ANXA11: variants seen among roughly 807,000 people sequenced by gnomAD.
The protein encoded by ANXA11 is 56 kDa autoantigen.
In ANXA11, 57 loss-of-function variants were observed where a neutral mutation model predicts 64.7. The observed-to-expected ratio is 0.88, with a 90% CI of 0.71 to 1.10. ANXA11 has a LOEUF of 1.10. Ranked by LOEUF, ANXA11 falls within the 50% of genes least tolerant of loss-of-function variation. The probability of loss-of-function intolerance (pLI) is 0.00; values close to 1 mark genes in which losing one functional copy is unlikely to be tolerated. For missense variants in ANXA11, 675 were observed against 670.7 expected (o/e 1.01, Z -0.07); for synonymous variants, 260 against 265.2 (o/e 0.98, Z 0.19).
chr10:80,173,861 G>A (rs1846070424), intron 2 of ANXA11, among the ~76,000 whole-genome samples: 1 of 152,168 alleles, frequency 6.6e-6, no homozygotes, highest in Non-Finnish European at 1.5e-5. Context: ...TCACCTGATG[G>A]GATTGTTAAA....
rs1845988721 is a variant in ANXA11 at position 80,171,832 on chromosome 10, A to T, written c.56-917T>A. ...CAAAGGTGGCAGTGGCAGGATCTGG[A>T]TGGCAGGATTTCTACTATAGAGAGA... On this transcript the variant is annotated intron_variant, in intron 3 of 15. Coordinates refer to ENST00000422982, the MANE Select transcript of ANXA11 (RefSeq NM_145868.2). The T allele has an allele frequency of 3.0e-6, 3 of 985,340 alleles. No individual in the cohort carries two copies. The South Asian group carries it at 1.4e-4, about 46-fold the overall frequency. The allele number at this position is 985,340 out of a possible 1,614,324, so 61.0% of individuals were successfully genotyped here. A position where few individuals can be genotyped will look rare whatever the true frequency, so the allele number is the denominator to read the frequency against.
intron 12 of ANXA11, among the ~76,000 whole-genome samples, chr10:80,160,621 G>A (rs2132372545): frequency 6.6e-6 from 1 of 151,934 alleles, no homozygotes; most frequent in Admixed American, 6.5e-5. Context: ...TCCCTCCCTA[G>A]CTGCTCCTTC....
In ANXA11 at chr10:80,171,720, C is replaced by T. The variant is rs1845984940; in HGVS notation, c.56-805G>A. 6.1e-6 allele frequency: 6 copies of T among 985,494 alleles called. No homozygotes were observed. The South Asian group carries it at 2.3e-4, about 39-fold the overall frequency. The allele number at this position is 985,494 out of a possible 1,614,324, so 61.0% of individuals were successfully genotyped here. A position where few individuals can be genotyped will look rare whatever the true frequency, so the allele number is the denominator to read the frequency against. On this transcript the variant is annotated intron_variant, in intron 3 of 15. Coordinates refer to ENST00000422982, the MANE Select transcript of ANXA11 (RefSeq NM_145868.2). Reference sequence around the variant, plus strand: ...CAGCTTCGGATCGGCTCTTCATCTCCAGGGCTCCAGACCCTCCAGGAAGAA... The same window carrying T: ...CAGCTTCGGATCGGCTCTTCATCTCTAGGGCTCCAGACCCTCCAGGAAGAA...
At chr10:80,188,898 C>T (rs867781026) in intron 1 of ANXA11, among the ~76,000 whole-genome samples, 2 of 152,110 alleles carry the variant, frequency 1.3e-5, no homozygotes, top group African/African-American at 4.8e-5. Flanking sequence ...GCCCAGCCCA[C>T]ACAGTGAGGG....
rs372305403 is a variant in ANXA11 at position 80,163,584 on chromosome 10, G to A, written c.979C>T (p.Arg327Ter). ...TGGAAGTGCCCTGATGTGTCGCTTC[G>A]AATGGCCTCTTCCAGGGTCTTTTTG... The part of the protein sequence containing the change: ...EFKKTLEEAI[R>*]SDTSGHFQRL... The change falls in exon 10 of 16, where the codon CGA (arginine) becomes TGA (stop). Residue 327 changes from arginine (R) to a stop codon, truncating the protein, a stop_gained. Coordinates refer to ENST00000422982, the MANE Select transcript of ANXA11 (RefSeq NM_145868.2). LOFTEE classifies it high-confidence loss of function. 4.5e-5 allele frequency: 70 copies of A among 1,563,874 alleles called. No individual in the cohort carries two copies. The highest frequency in any genetic ancestry group is 2.3e-4 in the African/African-American group (17 of 73,604).
chr10:80,163,305 C>T (rs1291441708), intron 11 of ANXA11, 44 bp downstream of exon 11: 1 of 1,606,884 alleles, frequency 6.2e-7, no homozygotes, highest in African/African-American at 1.3e-5. Flanking sequence ...AAGCGGGGTG[C>T]ATCCCTGCTT....
Position 80,157,236 on chromosome 10 carries a change from G to A in ANXA11, c.1458+405C>T, listed in dbSNP as rs533238950. ...GACCCCCAGGGCCCTCGCTCTGAAC[G>A]GCCTTACTATGTGGCCTACGCCATA... On this transcript the variant is annotated intron_variant, in intron 15 of 15. Coordinates refer to ENST00000422982, the MANE Select transcript of ANXA11 (RefSeq NM_145868.2). 106 of 985,456 alleles carry A rather than the reference G, an allele frequency of 1.1e-4. No homozygotes were observed. In the African/African-American group the frequency reaches 1.1e-3, roughly 10 times the overall value. The allele number at this position is 985,456 out of a possible 1,614,324, so 61.0% of individuals were successfully genotyped here. A position where few individuals can be genotyped will look rare whatever the true frequency, so the allele number is the denominator to read the frequency against.
rs34003188 is a variant in ANXA11 at position 80,169,074 on chromosome 10, G to T, written c.456C>A (p.Tyr152Ter). The change falls in exon 5 of 16, where the codon TAC becomes TAA. Residue 152 changes from tyrosine to a stop codon, truncating the protein, a stop_gained. Transcript: ENST00000422982. LOFTEE classifies it high-confidence loss of function. ...GGAGTGGCACTGGAGGCTGACCAGG[G>T]TAGGTCACTGGTGGCTGCCCAGGGT... ...GAYPGQPPVT[Y>*]PGQPPVPLPG... 1 of 1,537,000 alleles carries T rather than the reference G, an allele frequency of 6.5e-7. No homozygotes were observed. Among genetic ancestry groups the T allele is most frequent in the Non-Finnish European group, 8.7e-7 (1 of 1,147,784 alleles).
chr10:80,158,293 G>A (rs951982103), intron 13 of ANXA11, among the ~76,000 whole-genome samples: 2 of 152,166 alleles, frequency 1.3e-5, no homozygotes, highest in East Asian at 1.9e-4. Flanking sequence ...AGGGGCGGGG[G>A]TCTTAGTGGG....
At chr10:80,171,928 C>T (rs1384661335) in intron 3 of ANXA11, 10 of 985,418 alleles carry the variant, frequency 1.0e-5, no homozygotes, top group Non-Finnish European at 1.2e-5. Context: ...CAGCCCCTAA[C>T]ATGCCCTGGG....
At chr10:80,175,226 G>A (rs1354886122) in intron 2 of ANXA11, among the ~76,000 whole-genome samples, 1 of 152,172 alleles carries the variant, frequency 6.6e-6, no homozygotes, top group Non-Finnish European at 1.5e-5. Context: ...AGACTTCACT[G>A]GTGAGGAGGT....
intron 1 of ANXA11, among the ~76,000 whole-genome samples, chr10:80,180,450 T>C (rs760592434): frequency 1.6e-4 from 24 of 152,118 alleles, no homozygotes; most frequent in Non-Finnish European, 3.4e-4. Flanking sequence ...GAACAGAGCC[T>C]ACACCAGGTT....
In ANXA11 at chr10:80,151,226, GAGA is replaced by G. The variant is rs1225510162; in HGVS notation, c.*4624_*4626del. ...CAGGACTTCATCAGCTCTTAGTGTT[GAGA>G]AGGAGTCAGGCTCAAGCTAAACACC... On this transcript the variant is annotated 3_prime_UTR_variant, in exon 16 of 16. Coordinates refer to ENST00000422982, the MANE Select transcript of ANXA11 (RefSeq NM_145868.2). The G allele has an allele frequency of 6.6e-6, 1 of 152,208 alleles. No homozygotes were observed. The highest frequency in any genetic ancestry group is 2.4e-5 in the African/African-American group (1 of 41,448). The allele number at this position is 152,208 out of a possible 1,614,324, so 9.4% of individuals were successfully genotyped here.
intron 7 of ANXA11, 21 bp from the exon 8 acceptor site, chr10:80,166,218 AC>A: frequency 7.1e-7 from 1 of 1,403,632 alleles, no homozygotes; most frequent in Admixed American, 1.9e-5. Flanking sequence ...ATTCAAACAA[AC>A]AACCAACAAA....
chr10:80,174,230 T>C (rs1245360546), intron 2 of ANXA11, among the ~76,000 whole-genome samples: 2 of 152,092 alleles, frequency 1.3e-5, no homozygotes, highest in Non-Finnish European at 2.9e-5. Flanking sequence ...AGAGTCTTAC[T>C]ATGTTGCCGA....
Position 80,158,066 on chromosome 10 carries a change from T to G in ANXA11, c.1277-41A>C. On this transcript the variant is annotated intron_variant, in intron 13 of 15. Transcript: ENST00000422982. ...TCGGCATAACCAGATCTGCAGAAAA[T>G]TCTCAGCCCAAGCAGGGCATGGAGT... The G allele has an allele frequency of 2.5e-6, 4 of 1,599,344 alleles. No homozygotes were observed. In the South Asian group the frequency reaches 4.4e-5, roughly 18 times the overall value.
intron 1 of ANXA11, among the ~76,000 whole-genome samples, chr10:80,187,774 A>C (rs1846604246): frequency 6.6e-6 from 1 of 152,082 alleles, no homozygotes; most frequent in South Asian, 2.1e-4. Context: ...AATGGTAGTG[A>C]GCTGATGTCA....
intron 1 of ANXA11, among the ~76,000 whole-genome samples, chr10:80,183,302 A>G (rs569948368): frequency 6.6e-6 from 1 of 152,312 alleles, no homozygotes; most frequent in East Asian, 1.9e-4. Flanking sequence ...AAAGGATCTC[A>G]GCCAGCAACC....
At chr10:80,182,352 T>C (rs761541884) in intron 1 of ANXA11, among the ~76,000 whole-genome samples, 2 of 152,046 alleles carry the variant, frequency 1.3e-5, no homozygotes, top group Non-Finnish European at 2.9e-5. Flanking sequence ...TCAAACAGAA[T>C]AGAAACACAC....
Sources: allele counts gnomAD v4.1 joint callset (sites outside exome capture counted in the v4.1 genomes callset), GRCh38; gene constraint gnomAD v4.1.1; transcripts MANE v1.5; gene names NCBI Gene and HGNC (gene_info 2026-07-23, HGNC 2026-07-21).